Variants in DAAM1 observed in about 807,000 individuals in gnomAD.
DAAM1 encodes disheveled-associated activator of morphogenesis 1.
A neutral mutation model predicts 130.0 loss-of-function variants in DAAM1; 52 were observed. The ratio of observed to expected loss-of-function variants is 0.40; its 90% confidence interval spans 0.32 to 0.50. The LOEUF (loss-of-function observed/expected upper bound fraction) is 0.50. Ranked by LOEUF, DAAM1 falls within the 20% of genes least tolerant of loss-of-function variation. The pLI is 0.61. For synonymous variants in DAAM1, 452 were observed against 444.5 expected, an observed-to-expected ratio of 1.02 and a Z score of -0.21; for missense variants, 1,134 against 1,303.8, an observed-to-expected ratio of 0.87 and a Z score of 2.01.
Position 59,367,439 on chromosome 14 carries a change from C to G in DAAM1, c.2837C>G (p.Ala946Gly). ...CCATCTTTTTCCTAGTTTACTAAAG[C>G]AGTGAAGCACTTTGGGGAAGAGGCT... ...LAEAKDLFTK[A>G]VKHFGEEAGK... The change falls in exon 24 of 25, where the codon GCA (alanine) becomes GGA (glycine). Residue 946 changes from alanine (A) to glycine (G), a missense_variant. Coordinates refer to ENST00000360909, the MANE Select transcript of DAAM1 (RefSeq NM_001270520.2). 1 of 1,606,970 alleles carries G rather than the reference C, an allele frequency of 6.2e-7. No homozygotes were observed. The highest frequency in any genetic ancestry group is 8.5e-7 in the Non-Finnish European group (1 of 1,175,742).
At chr14:59,294,829 T>G (rs1883892919) in intron 3 of DAAM1, among the ~76,000 whole-genome samples, 1 of 152,230 alleles carries the variant, frequency 6.6e-6, no homozygotes, top group South Asian at 2.1e-4. Flanking sequence ...GGCCATGCTG[T>G]ATTTGCTTAT....
intron 1 of DAAM1, among the ~76,000 whole-genome samples, chr14:59,207,664 AG>A (rs2139404967): frequency 6.6e-6 from 1 of 152,346 alleles, no homozygotes; most frequent in Non-Finnish European, 1.5e-5. Context: ...CAATGAAATT[AG>A]TTTTGAACTC....
intron 15 of DAAM1, among the ~76,000 whole-genome samples, chr14:59,336,767 T>G (rs1005398360): frequency 6.6e-6 from 1 of 152,188 alleles, no homozygotes; most frequent in Admixed American, 6.5e-5. Flanking sequence ...GGGGAATAAG[T>G]GGACTTGATC....
intron 2 of DAAM1, among the ~76,000 whole-genome samples, chr14:59,284,942 T>C: frequency 6.6e-6 from 1 of 152,070 alleles, no homozygotes; most frequent in South Asian, 2.1e-4. Flanking sequence ...GACGTGCAAA[T>C]TCAAGAAATT....
At chr14:59,359,587 C>A in intron 21 of DAAM1, 83 bp downstream of exon 21, 2 of 970,232 alleles carry the variant, frequency 2.1e-6, no homozygotes, top group South Asian at 3.1e-5. Context: ...TGCATGAAGT[C>A]AGTCCTTCTA....
At chr14:59,257,660 G>C (rs1342983347) in intron 1 of DAAM1, among the ~76,000 whole-genome samples, 1 of 152,100 alleles carries the variant, frequency 6.6e-6, no homozygotes, top group Non-Finnish European at 1.5e-5. Flanking sequence ...AATAAAGTTG[G>C]CAAGGGTCAG....
At chr14:59,363,840 ACTTTCAGTTATTATT>A in intron 23 of DAAM1, 58 bp downstream of exon 23, 2 of 1,602,116 alleles carry the variant, frequency 1.2e-6, no homozygotes, top group Non-Finnish European at 1.7e-6. Context: ...TCAGTGTGAT[ACTTTCAGTTATTATT>A]CTGTACGGGA....
chr14:59,297,838 G>A lies in DAAM1; in HGVS notation c.273+6532G>A, dbSNP rs535113575. On this transcript the variant is annotated intron_variant, in intron 3 of 24. Coordinates refer to ENST00000360909, the MANE Select transcript of DAAM1 (RefSeq NM_001270520.2). ...AGGTATGTATGTATGGAAAAACAGCGTATATAGGGTTCAGTACTATCCAAT... is the reference window on the plus strand; with the variant it reads ...AGGTATGTATGTATGGAAAAACAGCATATATAGGGTTCAGTACTATCCAAT... Among the ~76,000 whole-genome samples the A allele has an allele frequency of 5.1e-4, 78 of 152,208 alleles. 2 individuals are homozygous for A. The South Asian group carries it at 0.012, about 23-fold the overall frequency.
At chr14:59,252,134 A>G (rs1017942208) in intron 1 of DAAM1, among the ~76,000 whole-genome samples, 2 of 152,218 alleles carry the variant, frequency 1.3e-5, no homozygotes, top group African/African-American at 4.8e-5. Context: ...CAGTGTCCAC[A>G]TGTGTTCAGA....
At chr14:59,207,102 G>T (rs1888282709) in intron 1 of DAAM1, among the ~76,000 whole-genome samples, 1 of 152,184 alleles carries the variant, frequency 6.6e-6, no homozygotes, top group Admixed American at 6.5e-5. Context: ...GTCGTTCACA[G>T]GAGAATTTGA....
chr14:59,249,868 C>G (rs1566667595), intron 1 of DAAM1, among the ~76,000 whole-genome samples: 1 of 151,914 alleles, frequency 6.6e-6, no homozygotes, highest in African/African-American at 2.4e-5. Flanking sequence ...CTTATATGCA[C>G]TTTTTTTTAC....
chr14:59,276,756 A>T (rs1882986446), intron 2 of DAAM1, among the ~76,000 whole-genome samples: 1 of 152,228 alleles, frequency 6.6e-6, no homozygotes, highest in Non-Finnish European at 1.5e-5. Flanking sequence ...CAGGTACCTT[A>T]TCAAGGACCA....
At chr14:59,275,879 G>C (rs781150340) in intron 2 of DAAM1, among the ~76,000 whole-genome samples, 9 of 152,100 alleles carry the variant, frequency 5.9e-5, no homozygotes, top group Non-Finnish European at 1.0e-4. Context: ...CTGTGTAGGT[G>C]GTGGTGAGTC....
At chr14:59,319,856 C>T (rs1799396182) in intron 4 of DAAM1, among the ~76,000 whole-genome samples, 1 of 152,122 alleles carries the variant, frequency 6.6e-6, no homozygotes, top group Non-Finnish European at 1.5e-5. Flanking sequence ...TAACACTATC[C>T]TCAGGTGATT....
intron 2 of DAAM1, chr14:59,263,990 A>T (rs1443988858): frequency 8.2e-6 from 3 of 366,006 alleles, no homozygotes; most frequent in Non-Finnish European, 1.6e-5. Context: ...TCTATACATT[A>T]TGCTAAATAA....
chr14:59,322,722 A>G (rs1010947978), intron 5 of DAAM1, among the ~76,000 whole-genome samples, 170 bp from the exon 6 acceptor site: 2 of 152,152 alleles, frequency 1.3e-5, no homozygotes, highest in East Asian at 1.9e-4. Flanking sequence ...AGAACTGACT[A>G]TTGGGTCTGT....
chr14:59,202,365 C>A (rs965989927), intron 1 of DAAM1, among the ~76,000 whole-genome samples: 3 of 152,158 alleles, frequency 2.0e-5, no homozygotes, highest in Non-Finnish European at 4.4e-5. Context: ...CTTTAAAAAA[C>A]ATTTAGACAG....
intron 23 of DAAM1, among the ~76,000 whole-genome samples, chr14:59,364,505 T>C (rs1164980761): frequency 6.6e-6 from 1 of 152,214 alleles, no homozygotes; most frequent in Admixed American, 6.5e-5. Flanking sequence ...TTCACATTCA[T>C]ATACAAGACA....
chr14:59,267,894 G>A (rs112022196), intron 2 of DAAM1, among the ~76,000 whole-genome samples: 1 of 113,164 alleles, frequency 8.8e-6, no homozygotes, highest in African/African-American at 3.5e-5. Context: ...GTGGATATAC[G>A]CCCCCCCCTT....
Sources: gnomAD v4.1 joint callset for allele counts (sites outside exome capture counted in the v4.1 genomes callset) on GRCh38, gnomAD v4.1.1 for gene constraint, MANE v1.5 for transcripts, NCBI Gene and HGNC (gene_info 2026-07-23, HGNC 2026-07-21) for gene names.